Variants in DDX10 observed in about 807,000 individuals in gnomAD.
DDX10 encodes DEAD-box helicase 10.
A neutral mutation model predicts 104.3 loss-of-function variants in DDX10; 74 were observed. The observed-to-expected ratio is 0.71, with a 90% CI of 0.59 to 0.86. DDX10 has a LOEUF of 0.86. Ranked by LOEUF, DDX10 falls within the 40% of genes least tolerant of loss-of-function variation. DDX10 has a pLI of 0.00. For missense variants in DDX10, 952 were observed against 1,040.0 expected (o/e 0.92, Z 1.16); for synonymous variants, 351 against 353.4 (o/e 0.99, Z 0.08).
intron 7 of DDX10, among the ~76,000 whole-genome samples, chr11:108,691,414 T>G (rs144458681): frequency 1.3e-5 from 2 of 152,330 alleles, no homozygotes; most frequent in African/African-American, 4.8e-5. Context: ...ATTAGCTCTA[T>G]ATAGTCCCAC....
In DDX10 at chr11:108,676,481, T is replaced by C. The variant is rs184781823; in HGVS notation, c.379-604T>C. Among the ~76,000 whole-genome samples the C allele has an allele frequency of 2.7e-4, 41 of 152,330 alleles. No individual in the cohort carries two copies. The East Asian group carries it at 6.6e-3, about 24-fold the overall frequency. ...TTTTTTTTGAGATGAAGTCATGCTG[T>C]GTTGCCCAGGCTGGAGTGCAGTGGT... On this transcript the variant is annotated intron_variant, in intron 3 of 17. Coordinates refer to ENST00000322536, the MANE Select transcript of DDX10 (RefSeq NM_004398.4).
chr11:108,783,369 G>A (rs962468617), intron 13 of DDX10, among the ~76,000 whole-genome samples: 2 of 152,142 alleles, frequency 1.3e-5, no homozygotes, highest in African/African-American at 4.8e-5. Context: ...TGGTAGAGGT[G>A]GAGAGCTATA....
At chr11:108,842,976 A>G (rs1005857948) in intron 15 of DDX10, among the ~76,000 whole-genome samples, 6 of 152,204 alleles carry the variant, frequency 3.9e-5, no homozygotes, top group African/African-American at 1.4e-4. Context: ...TATCCATGTC[A>G]TTGAATATTG....
intron 1 of DDX10, 149 bp downstream of exon 1, chr11:108,665,488 T>C (rs906768681): frequency 6.1e-6 from 5 of 825,400 alleles, no homozygotes; most frequent in Non-Finnish European, 9.1e-6. Context: ...AGCTCAAACC[T>C]CTGCACCGTT....
At chr11:108,728,827 C>A (rs1038867710) in intron 13 of DDX10, among the ~76,000 whole-genome samples, 9 of 152,138 alleles carry the variant, frequency 5.9e-5, no homozygotes, top group Admixed American at 4.6e-4. Flanking sequence ...CTCATATACC[C>A]ATTTTTAAAT....
At chr11:108,937,365 C>A (rs1229753730) in intron 17 of DDX10, among the ~76,000 whole-genome samples, 1 of 152,088 alleles carries the variant, frequency 6.6e-6, no homozygotes, top group African/African-American at 2.4e-5. Context: ...AGGAAATCAA[C>A]CCTATTAAAA....
At chr11:108,762,550 T>C (rs184948861) in intron 13 of DDX10, among the ~76,000 whole-genome samples, 1 of 152,292 alleles carries the variant, frequency 6.6e-6, no homozygotes, top group African/African-American at 2.4e-5. Context: ...CATAAGTTAC[T>C]AGTCAACTAG....
chr11:108,737,919 A>G (rs2094320357), intron 13 of DDX10, among the ~76,000 whole-genome samples: 1 of 152,146 alleles, frequency 6.6e-6, no homozygotes, highest in Non-Finnish European at 1.5e-5. Flanking sequence ...GCATTTTCAT[A>G]TGCACTGATT....
intron 13 of DDX10, among the ~76,000 whole-genome samples, chr11:108,797,335 A>G (rs1391287370): frequency 6.6e-6 from 1 of 152,158 alleles, no homozygotes; most frequent in Non-Finnish European, 1.5e-5. Context: ...CCCAGCCTAA[A>G]CTTTTGTTCT....
At chr11:108,881,382 G>A (rs1863225757) in intron 16 of DDX10, among the ~76,000 whole-genome samples, 1 of 152,172 alleles carries the variant, frequency 6.6e-6, no homozygotes, top group Non-Finnish European at 1.5e-5. Flanking sequence ...TTGAGGTAAA[G>A]CAATCTGGGA....
chr11:108,925,466 A>C (rs1863896625), intron 17 of DDX10, among the ~76,000 whole-genome samples: 1 of 152,186 alleles, frequency 6.6e-6, no homozygotes, highest in African/African-American at 2.4e-5. Context: ...CCTTGCTAGT[A>C]GGGTTCTCTG....
chr11:108,930,673 TTGAAA>T (rs1665824962), intron 17 of DDX10, among the ~76,000 whole-genome samples: 1 of 152,252 alleles, frequency 6.6e-6, no homozygotes, highest in African/African-American at 2.4e-5. Flanking sequence ...TGTCAGTATT[TTGAAA>T]TTTAACCATT....
At chr11:108,668,386 C>T (rs2094212753) in intron 1 of DDX10, among the ~76,000 whole-genome samples, 1 of 152,054 alleles carries the variant, frequency 6.6e-6, no homozygotes, top group Admixed American at 6.6e-5. Context: ...CAGCTTTTTC[C>T]CCCGCTAAGC....
chr11:108,851,532 G>T (rs1203655819), intron 15 of DDX10, among the ~76,000 whole-genome samples: 1 of 151,028 alleles, frequency 6.6e-6, no homozygotes, highest in Non-Finnish European at 1.5e-5. Context: ...ACCAATTCAG[G>T]GATAAAGTTT....
At chr11:108,905,315 G>GC (rs1281918532) in intron 16 of DDX10, among the ~76,000 whole-genome samples, 1 of 148,488 alleles carries the variant, frequency 6.7e-6, no homozygotes, top group South Asian at 2.2e-4. Context: ...TTGTTTAAGG[G>GC]GGGGGGGGGT....
intron 6 of DDX10, among the ~76,000 whole-genome samples, chr11:108,682,328 C>T (rs1034577553): frequency 4.6e-5 from 7 of 152,168 alleles, no homozygotes; most frequent in African/African-American, 1.7e-4. Context: ...TAGTCTCGAA[C>T]TCCTAACCTC....
At chr11:108,814,421 T>C (rs1399590594) in intron 13 of DDX10, among the ~76,000 whole-genome samples, 1 of 152,196 alleles carries the variant, frequency 6.6e-6, no homozygotes, top group Admixed American at 6.5e-5. Flanking sequence ...GTTTATAGCT[T>C]TACAACGTAA....
intron 13 of DDX10, among the ~76,000 whole-genome samples, chr11:108,736,154 C>CTTT: frequency 7.3e-6 from 1 of 137,048 alleles, no homozygotes; most frequent in South Asian, 2.3e-4. Context: ...TTCCCTAGTT[C>CTTT]TTTTTTTTTT....
rs146282430 is a variant in DDX10, at chr11:108,758,517, G to C, written c.1965+35055G>C. On this transcript the variant is annotated intron_variant, in intron 13 of 17. Coordinates refer to ENST00000322536, the MANE Select transcript of DDX10 (RefSeq NM_004398.4). ...CACAAAGTTATCTTAGAGTTCTGTA[G>C]GTTAGTAGTCTTAAATGAATCTCAC... 2.0e-5 allele frequency among the ~76,000 whole-genome samples: 3 copies of C among 152,180 alleles called. No individual in the cohort carries two copies. In the East Asian group the frequency reaches 5.8e-4, roughly 29 times the overall value.
Sources: allele counts gnomAD v4.1 joint callset (sites outside exome capture counted in the v4.1 genomes callset), GRCh38; gene constraint gnomAD v4.1.1; transcripts MANE v1.5; gene names NCBI Gene and HGNC (gene_info 2026-07-23, HGNC 2026-07-21).